The following SPAG17 variants were observed in gnomAD, a reference collection of about 807,000 sequenced individuals.
SPAG17 encodes sperm associated antigen 17, also known as sperm-associated antigen 17.
A neutral mutation model predicts 273.6 loss-of-function variants in SPAG17; 169 were observed. The ratio of observed to expected loss-of-function variants is 0.62; its 90% CI spans 0.55 to 0.70. The LOEUF is 0.70. SPAG17 is among the 30% of genes least tolerant of loss of function. The probability of loss-of-function intolerance (pLI) is 0.00; values close to 1 mark genes in which losing one functional copy is unlikely to be tolerated. For missense variants in SPAG17, 2,557 were observed against 2,627.8 expected, an observed-to-expected ratio of 0.97 and a Z score of 0.59; for synonymous variants, 825 against 873.2, an observed-to-expected ratio of 0.94 and a Z score of 0.97.
rs1332347812 is a variant in SPAG17, at chr1:117,996,595, T to C, written c.4922+3A>G. The C allele has an allele frequency of 6.2e-7, 1 of 1,608,796 alleles. No homozygotes were observed. Among genetic ancestry groups the C allele is most frequent in the Non-Finnish European group, 8.5e-7 (1 of 1,178,320 alleles). ...AAGTAAAATTATAGTATTATTCTTTTACCTGGGGACATGTTCACCATAGAT... is the reference window on the plus strand; with the variant it reads ...AAGTAAAATTATAGTATTATTCTTTCACCTGGGGACATGTTCACCATAGAT... On this transcript the variant is annotated splice_donor_region_variant and intron_variant, in intron 33 of 48. Transcript: ENST00000336338.
At chr1:117,992,918 G>T (rs1390463189) in intron 35 of SPAG17, among the ~76,000 whole-genome samples, 3 of 152,142 alleles carry the variant, frequency 2.0e-5, no homozygotes. Flanking sequence ...GTAGAAGAGT[G>T]CTAAGCAATG....
intron 28 of SPAG17, among the ~76,000 whole-genome samples, chr1:118,022,019 G>T (rs1660546120): frequency 1.3e-5 from 2 of 152,078 alleles, no homozygotes; most frequent in Non-Finnish European, 2.9e-5. Context: ...GGGTACTGTG[G>T]TGAGATGTGT....
intron 37 of SPAG17, 80 bp downstream of exon 37, chr1:117,991,335 T>C: frequency 1.2e-6 from 1 of 826,918 alleles, no homozygotes; most frequent in South Asian, 2.3e-5. Context: ...CAGAAGCAGC[T>C]ATTTCTTACG....
At chr1:118,069,581 G>A (rs2102077318) in intron 17 of SPAG17, among the ~76,000 whole-genome samples, 1 of 152,250 alleles carries the variant, frequency 6.6e-6, no homozygotes, top group East Asian at 1.9e-4. Flanking sequence ...TACTAAATTT[G>A]AGATGGATAC....
intron 8 of SPAG17, among the ~76,000 whole-genome samples, chr1:118,092,842 A>G (rs1655470158): frequency 6.6e-6 from 1 of 152,232 alleles, no homozygotes; most frequent in African/African-American, 2.4e-5. Context: ...TTGTATTGCC[A>G]GCATCTTGCA....
intron 4 of SPAG17, among the ~76,000 whole-genome samples, chr1:118,109,383 TAAAAAA>T (rs56023474): frequency 1.3e-4 from 15 of 116,190 alleles, no homozygotes; most frequent in Non-Finnish European, 2.4e-4. Flanking sequence ...CCATCTTTAC[TAAAAAA>T]AAAAAAAAAA....
chr1:118,149,769 G>T (rs1659271071), intron 3 of SPAG17, among the ~76,000 whole-genome samples: 1 of 152,202 alleles, frequency 6.6e-6, no homozygotes, highest in South Asian at 2.1e-4. Context: ...GTCTTAGAAA[G>T]ATTCAAAACT....
rs1468430537 is a variant in SPAG17, at chr1:117,966,506, G to T, written c.6532+103C>A. 5 of 1,127,898 alleles carry T rather than the reference G, an allele frequency of 4.4e-6. No individual in the cohort carries two copies. The African/African-American group carries it at 6.3e-5, about 14-fold the overall frequency. 69.9% of individuals were successfully genotyped at this position (1,127,898 alleles called of 1,614,324 possible). ...TAATAAATTTAACTCTGATTTTGAA[G>T]ATAGAATTAATAAAGTAGAGATGCA... On this transcript the variant is annotated intron_variant, in intron 47 of 48. Coordinates refer to ENST00000336338, the MANE Select transcript of SPAG17 (RefSeq NM_206996.4).
intron 29 of SPAG17, among the ~76,000 whole-genome samples, chr1:118,013,343 G>A (rs141117938): frequency 3.3e-5 from 5 of 152,256 alleles, no homozygotes; most frequent in African/African-American, 1.2e-4. Context: ...AGCTCTTTAT[G>A]GTAGGTGGCA....
chr1:118,078,981 T>A (rs188345093), intron 15 of SPAG17, among the ~76,000 whole-genome samples: 10 of 152,196 alleles, frequency 6.6e-5, no homozygotes, highest in Admixed American at 5.2e-4. Flanking sequence ...ATTTAGAATT[T>A]TTGCATCTAT....
chr1:118,156,320 T>C (rs977623679), intron 1 of SPAG17, among the ~76,000 whole-genome samples: 10 of 152,336 alleles, frequency 6.6e-5, no homozygotes, highest in Admixed American at 1.3e-4. Flanking sequence ...CAGGGCTCTA[T>C]ACATAAATAT....
chr1:117,972,005 C>G lies in SPAG17; in HGVS notation c.6184G>C (p.Ala2062Pro). Reference sequence around the variant, plus strand: ...TTTGCATTATTAATGGCAGCAGATGCAACAGAGGATGTGTTCACTTTTCCT... The same window carrying G: ...TTTGCATTATTAATGGCAGCAGATGGAACAGAGGATGTGTTCACTTTTCCT... ...VGGKVNTSSV[A>P]SAAINNAKSS... The change falls in exon 45 of 49, where the codon GCA (alanine) becomes CCA (proline). Residue 2062 changes from alanine to proline, a missense_variant. Physicochemically the swap from Ala to Pro is conservative, Grantham distance 27. Coordinates refer to ENST00000336338, the MANE Select transcript of SPAG17 (RefSeq NM_206996.4). 1 of 1,613,886 alleles carries G rather than the reference C, an allele frequency of 6.2e-7. No homozygotes were observed. Among genetic ancestry groups the G allele is most frequent in the Non-Finnish European group, 8.5e-7 (1 of 1,179,906 alleles).
Position 117,963,853 on chromosome 1 carries a change from T to C in SPAG17, c.6618A>G (p.Thr2206=). ...AGACTCCAAGTGTGGAGGAATAAATTGTAGAAGTTCTCTGGACCATTGGAT... is the reference window on the plus strand; with the variant it reads ...AGACTCCAAGTGTGGAGGAATAAATCGTAGAAGTTCTCTGGACCATTGGAT... ...KENPMVQRTS[T]IYSSTLGVFM... is the part of the protein sequence containing the mutation. The change falls in exon 48 of 49, where the codon ACA becomes ACG. Residue 2206 remains threonine (T), a synonymous_variant. Coordinates refer to ENST00000336338, the MANE Select transcript of SPAG17 (RefSeq NM_206996.4). 1.2e-6 allele frequency: 2 copies of C among 1,613,930 alleles called. No individual in the cohort carries two copies. The highest frequency in any genetic ancestry group is 1.1e-5 in the South Asian group (1 of 91,052).
chr1:118,152,932 ACAGTACAGGCAATACC>A (rs1659469675), intron 1 of SPAG17, among the ~76,000 whole-genome samples: 3 of 152,224 alleles, frequency 2.0e-5, no homozygotes, highest in African/African-American at 7.2e-5. Flanking sequence ...ACACACAGTT[ACAGTACAGGCAATACC>A]TTGAAGTTCC....
chr1:118,031,972 T>C, intron 24 of SPAG17, 105 bp from the exon 25 acceptor site: 3 of 843,548 alleles, frequency 3.6e-6, no homozygotes, highest in Non-Finnish European at 3.6e-6. Flanking sequence ...GACAACAATT[T>C]TTACCTTGCT....
chr1:118,124,379 G>A (rs1462276617), intron 3 of SPAG17, among the ~76,000 whole-genome samples: 3 of 152,014 alleles, frequency 2.0e-5, no homozygotes, highest in African/African-American at 7.3e-5. Flanking sequence ...TTTGTGCACA[G>A]GGTTTGTCTC....
chr1:117,964,027 T>A, intron 47 of SPAG17, 89 bp from the exon 48 acceptor site: 2 of 1,442,096 alleles, frequency 1.4e-6, no homozygotes, highest in Non-Finnish European at 1.9e-6. Flanking sequence ...TAGAATTTCT[T>A]CTCTGGCAAC....
chr1:117,995,802 C>T (rs756212759), intron 34 of SPAG17, among the ~76,000 whole-genome samples: 32 of 151,804 alleles, frequency 2.1e-4, no homozygotes, highest in Non-Finnish European at 3.8e-4. Context: ...TATTTAAATA[C>T]ACATATTACA....
chr1:118,041,250 T>G (rs1346861228), intron 21 of SPAG17, among the ~76,000 whole-genome samples: 1 of 151,962 alleles, frequency 6.6e-6, no homozygotes, highest in Non-Finnish European at 1.5e-5. Flanking sequence ...CTAACAGAGG[T>G]CCAGGGGATT....
Sources: allele counts gnomAD v4.1 joint callset (sites outside exome capture counted in the v4.1 genomes callset), GRCh38; gene constraint gnomAD v4.1.1; transcripts MANE v1.5; gene names NCBI Gene and HGNC (gene_info 2026-07-23, HGNC 2026-07-21).